The following MRPS22 variants were observed in gnomAD, a reference collection of about 807,000 sequenced individuals.
MRPS22 encodes small ribosomal subunit protein mS22.
A neutral mutation model predicts 44.0 loss-of-function variants in MRPS22; 30 were observed. The ratio of observed to expected loss-of-function variants is 0.68; its 90% CI spans 0.51 to 0.93. MRPS22 has a LOEUF of 0.93. Among genes scored for constraint, MRPS22 ranks in the 40% least tolerant of loss-of-function variants. The pLI, the probability that MRPS22 is intolerant of heterozygous loss-of-function variation, is 0.00. For synonymous variants in MRPS22, 165 were observed against 154.4 expected, an observed-to-expected ratio of 1.07 and a Z score of -0.51; for missense variants, 447 against 447.8, an observed-to-expected ratio of 1.00 and a Z score of 0.02.
At chr3:139,350,679 C>A (rs573425351) in intron 4 of MRPS22, 9 of 364,680 alleles carry the variant, frequency 2.5e-5, no homozygotes, top group African/African-American at 9.3e-5. Flanking sequence ...GCACCCCCCC[C>A]CCGCAATCCG....
intron 4 of MRPS22, 67 bp downstream of exon 4, chr3:139,350,389 T>C (rs1941122995): frequency 1.3e-6 from 2 of 1,568,306 alleles, no homozygotes; most frequent in Non-Finnish European, 1.7e-6. Flanking sequence ...CCAGTTGGCT[T>C]TGTGCCTTGA....
At chr3:139,352,360 G>A (rs189277258) in intron 5 of MRPS22, 4 of 357,992 alleles carry the variant, frequency 1.1e-5, no homozygotes, top group Middle Eastern at 9.2e-4. Context: ...TAGAGATGAG[G>A]ACTGCTCAAG....
At chr3:139,351,090 G>A (rs1357604053) in intron 5 of MRPS22, 30 bp downstream of exon 5, 1 of 1,509,804 alleles carries the variant, frequency 6.6e-7, no homozygotes, top group South Asian at 1.1e-5. Context: ...TAAAATATAG[G>A]CTTAAGTATG....
At position 139,352,399 on chromosome 3, in the gene MRPS22, G is replaced by A. The variant is rs1941167855; in HGVS notation, c.733-248G>A. On this transcript the variant is annotated intron_variant, in intron 5 of 7. Coordinates refer to ENST00000680020, the MANE Select transcript of MRPS22 (RefSeq NM_020191.4). Reference sequence around the variant, plus strand: ...TCCTCCCACCTCAGCTTCCCAAAGTGTTGGGATTATAGGCATGAGCCACTG... The same window carrying A: ...TCCTCCCACCTCAGCTTCCCAAAGTATTGGGATTATAGGCATGAGCCACTG... 9.2e-6 allele frequency: 4 copies of A among 432,968 alleles called. No individual in the cohort carries two copies. The Admixed American group carries it at 1.1e-4, about 12-fold the overall frequency. 26.8% of individuals were successfully genotyped at this position (432,968 alleles called of 1,614,324 possible).
intron 2 of MRPS22, 86 bp downstream of exon 2, chr3:139,347,130 T>C: frequency 7.1e-7 from 1 of 1,415,676 alleles, no homozygotes. Flanking sequence ...TGCTTATAGC[T>C]ATTCTTCCAT....
chr3:139,346,640 G>T (rs1270349415), intron 1 of MRPS22, among the ~76,000 whole-genome samples: 3 of 152,158 alleles, frequency 2.0e-5, no homozygotes, highest in Non-Finnish European at 4.4e-5. Context: ...CTTTATTACT[G>T]TTACTTCCTC....
intron 5 of MRPS22, 129 bp downstream of exon 5, chr3:139,351,189 T>C (rs764449525): frequency 7.0e-6 from 5 of 709,440 alleles, no homozygotes; most frequent in Non-Finnish European, 1.3e-5. Flanking sequence ...TGAAAATCTA[T>C]TGAGTACAGT....
Position 139,356,967 on chromosome 3 carries a change from C to T in MRPS22, c.1036C>T (p.Leu346=). The change falls in exon 8 of 8, where the codon CTG becomes TTG. Residue 346 remains leucine (L), a synonymous_variant. Transcript: ENST00000680020. ...GAAGGGAGCCTATATAGAACTAACA[C>T]TGCAGACTTATCAAGAAGCACTCAG... ...AQKGAYIELT[L]QTYQEALSRH... The T allele has an allele frequency of 1.2e-6, 2 of 1,613,182 alleles. No individual in the cohort carries two copies.
At chr3:139,352,594 G>A in intron 5 of MRPS22, 53 bp from the exon 6 acceptor site, 1 of 1,543,672 alleles carries the variant, frequency 6.5e-7, no homozygotes, top group South Asian at 1.1e-5. Flanking sequence ...GTTGAATAAT[G>A]CTGCATACTT....
intron 4 of MRPS22, 167 bp downstream of exon 4, chr3:139,350,489 G>A (rs951415150): frequency 4.3e-5 from 30 of 700,928 alleles, no homozygotes; most frequent in Non-Finnish European, 4.0e-5. Flanking sequence ...GTGCAGTGGC[G>A]GGATCTCAGC....
intron 2 of MRPS22, among the ~76,000 whole-genome samples, chr3:139,347,801 G>A (rs541925800): frequency 2.0e-5 from 3 of 152,294 alleles, no homozygotes; most frequent in African/African-American, 7.2e-5. Flanking sequence ...TAAGGTAATT[G>A]AGGCCATTAA....
intron 1 of MRPS22, among the ~76,000 whole-genome samples, chr3:139,345,453 T>TG (rs1406668209): frequency 3.5e-4 from 50 of 144,164 alleles, no homozygotes; most frequent in African/African-American, 1.2e-3. Context: ...TTTTTTTGTT[T>TG]TTTTTTTTTT....
At chr3:139,346,742 C>G (rs187470817) in intron 1 of MRPS22, 136 bp from the exon 2 acceptor site, 6 of 800,362 alleles carry the variant, frequency 7.5e-6, no homozygotes, top group Non-Finnish European at 1.1e-5. Flanking sequence ...ATGAATGCAT[C>G]TCATAGGTAT....
At chr3:139,347,642 T>C (rs966868950) in intron 2 of MRPS22, among the ~76,000 whole-genome samples, 3 of 152,190 alleles carry the variant, frequency 2.0e-5, no homozygotes, top group African/African-American at 7.2e-5. Context: ...CATGAAGCAA[T>C]GTAGTCAATG....
In MRPS22 at chr3:139,348,565, A is replaced by G. The variant is rs573134551; in HGVS notation, c.504+241A>G. The G allele has an allele frequency of 5.0e-4, 250 of 504,120 alleles. 1 individual carries two copies. The highest frequency in any genetic ancestry group is 4.3e-3 in the African/African-American group (225 of 51,976). 31.2% of individuals were successfully genotyped at this position (504,120 alleles called of 1,614,324 possible). On this transcript the variant is annotated intron_variant, in intron 3 of 7. Coordinates refer to ENST00000680020, the MANE Select transcript of MRPS22 (RefSeq NM_020191.4). ...TATTTTCCAGATTCCAGATGTGCTGAGGCAGAACAAGGAGTACACAGATAC... is the reference window on the plus strand; with the variant it reads ...TATTTTCCAGATTCCAGATGTGCTGGGGCAGAACAAGGAGTACACAGATAC...
At chr3:139,350,678 C>A (rs898917884) in intron 4 of MRPS22, 11 of 363,312 alleles carry the variant, frequency 3.0e-5, no homozygotes, top group South Asian at 1.8e-4. Context: ...CGCACCCCCC[C>A]CCCGCAATCC....
intron 6 of MRPS22, among the ~76,000 whole-genome samples, chr3:139,353,731 A>G (rs149555127): frequency 6.6e-6 from 1 of 152,328 alleles, no homozygotes; most frequent in Non-Finnish European, 1.5e-5. Context: ...TCACCAGCAT[A>G]TGTAGTGTAA....
rs1340615862 is a variant in MRPS22, at chr3:139,348,143, A to G, written c.340-17A>G. 3.1e-6 allele frequency: 5 copies of G among 1,613,522 alleles called. No individual in the cohort carries two copies. The highest frequency in any genetic ancestry group is 1.7e-5 in the Admixed American group (1 of 60,022). ...GTAACCTTGTGGCTTTCCTTAATAA[A>G]TATTTTCTTTCATTAGGCTACAAGA... On this transcript the variant is annotated splice_polypyrimidine_tract_variant and intron_variant, in intron 2 of 7. Transcript: ENST00000680020.
Position 139,356,927 on chromosome 3 carries a change from A to G in MRPS22, c.996A>G (p.Ala332=), listed in dbSNP as rs767763328. 1.2e-6 allele frequency: 2 copies of G among 1,612,214 alleles called. No individual in the cohort carries two copies. Among genetic ancestry groups the G allele is most frequent in the Non-Finnish European group, 1.7e-6 (2 of 1,178,796 alleles). Residue 332 remains alanine (A), a synonymous_variant, in exon 8 of 8, where the codon GCA becomes GCG. Transcript: ENST00000680020. The stretch of plus-strand genomic sequence containing the variant: ...CTTTTTAATTTAAACAGGTCTTTGC[A>G]AAAACAGAAGCACAGAAGGGAGCCT... ...AEGINLIKVF[A]KTEAQKGAYI...
Sources: gnomAD v4.1 joint callset for allele counts (sites outside exome capture counted in the v4.1 genomes callset) on GRCh38, gnomAD v4.1.1 for gene constraint, MANE v1.5 for transcripts, NCBI Gene and HGNC (gene_info 2026-07-23, HGNC 2026-07-21) for gene names.